NBAS: variants seen among roughly 807,000 people sequenced by gnomAD.
NBAS encodes the protein NBAS subunit of NRZ tethering complex, also known as NAG/BC035112 fusion.
A neutral mutation model predicts 302.5 loss-of-function variants in NBAS; 219 were observed. The observed-to-expected ratio is 0.72, with a 90% CI of 0.65 to 0.81. The LOEUF is 0.81. NBAS is among the 30% of genes least tolerant of loss of function. The pLI is 0.00. For missense variants in NBAS, 2,932 were observed against 2,841.6 expected, an observed-to-expected ratio of 1.03 and a Z score of -0.72; for synonymous variants, 1,118 against 1,021.6, an observed-to-expected ratio of 1.09 and a Z score of -1.80.
intron 49 of NBAS, among the ~76,000 whole-genome samples, chr2:15,189,554 C>T (rs1029729454): frequency 5.1e-5 from 7 of 136,544 alleles, no homozygotes; most frequent in Non-Finnish European, 1.1e-4. Context: ...GAAGCCACAG[C>T]TCATGAGACC....
the NBAS span, among the ~76,000 whole-genome samples, chr2:14,876,862 G>A: frequency 6.6e-6 from 1 of 152,218 alleles, no homozygotes; most frequent in Non-Finnish European, 1.5e-5. Context: ...TGTCCAGCCT[G>A]CTTCTGATGA....
the NBAS span, among the ~76,000 whole-genome samples, chr2:14,931,159 A>C: frequency 6.6e-6 from 1 of 152,380 alleles, no homozygotes; most frequent in East Asian, 1.9e-4. Context: ...AAACCCCAGG[A>C]AACAAGGGAC....
At chr2:15,110,671 G>A in the NBAS span, among the ~76,000 whole-genome samples, 1 of 151,936 alleles carries the variant, frequency 6.6e-6, no homozygotes, top group Non-Finnish European at 1.5e-5. Flanking sequence ...TACTTCTCTG[G>A]GGAATGTGAT....
chr2:14,806,138 G>T, the NBAS span, among the ~76,000 whole-genome samples: 1 of 152,102 alleles, frequency 6.6e-6, no homozygotes, highest in Admixed American at 6.6e-5. Context: ...AATTCAGTAG[G>T]TCTGAGATGC....
the NBAS span, among the ~76,000 whole-genome samples, chr2:14,786,415 G>A: frequency 1.3e-5 from 2 of 152,056 alleles, no homozygotes; most frequent in Non-Finnish European, 2.9e-5. Flanking sequence ...TGTGATGTTA[G>A]GGTGTCAATT....
chr2:15,284,502 C>T (rs7566626), intron 42 of NBAS, among the ~76,000 whole-genome samples: 6,873 of 152,148 alleles, frequency 0.045, 261 homozygotes, highest in African/African-American at 0.1. Flanking sequence ...TACACTTATT[C>T]GCAAATGTGC....
chr2:14,792,462 G>A, the NBAS span, among the ~76,000 whole-genome samples: 2 of 152,092 alleles, frequency 1.3e-5, no homozygotes, highest in Non-Finnish European at 2.9e-5. Context: ...TTTCATTGCT[G>A]ACAGTATTGG....
the NBAS span, among the ~76,000 whole-genome samples, chr2:15,063,160 T>C: frequency 2.8e-4 from 43 of 152,238 alleles, no homozygotes; most frequent in Non-Finnish European, 4.6e-4. Context: ...ATTTTCATCC[T>C]TCAGTTCAGT....
chr2:15,375,928 G>C (rs1441170965), intron 30 of NBAS, among the ~76,000 whole-genome samples: 2 of 151,118 alleles, frequency 1.3e-5, no homozygotes, highest in Non-Finnish European at 2.9e-5. Context: ...AAAAAAAACA[G>C]GGCATAGAAA....
the NBAS span, among the ~76,000 whole-genome samples, chr2:15,002,679 G>A: frequency 6.6e-6 from 1 of 152,216 alleles, no homozygotes; most frequent in Non-Finnish European, 1.5e-5. Flanking sequence ...AGCCCTGCCC[G>A]GCGGGAAGGC....
rs78851456 is a variant in NBAS, at chr2:15,523,930, T to C, written c.746+10613A>G. The stretch of plus-strand genomic sequence containing the variant: ...TTCTGTCTCTAAATAAATAAATAAA[T>C]AAACAAACAAACAAACTGTATTTCT... On this transcript the variant is annotated intron_variant, in intron 9 of 51. Transcript: ENST00000281513. 7.5e-3 allele frequency among the ~76,000 whole-genome samples: 1,139 copies of C among 151,962 alleles called. 19 individuals are homozygous for C. The highest frequency in any genetic ancestry group is 0.056 in the East Asian group (289 of 5,152).
chr2:15,033,027 C>T, the NBAS span, among the ~76,000 whole-genome samples: 1 of 152,216 alleles, frequency 6.6e-6, no homozygotes, highest in African/African-American at 2.4e-5. Flanking sequence ...AACTTGACTA[C>T]TATCCAGCAG....
At chr2:15,127,268 A>G in the NBAS span, among the ~76,000 whole-genome samples, 1 of 152,330 alleles carries the variant, frequency 6.6e-6, no homozygotes, top group Admixed American at 6.5e-5. Context: ...GCTGCTTAAA[A>G]TCTCACTGAC....
At chr2:15,445,517 A>C in intron 21 of NBAS, among the ~76,000 whole-genome samples, 1 of 69,736 alleles carries the variant, frequency 1.4e-5, no homozygotes. Context: ...GGGTGGGGGG[A>C]GGGGGGAGGG....
At chr2:15,273,188 T>C (rs956647915) in intron 44 of NBAS, among the ~76,000 whole-genome samples, 1 of 152,212 alleles carries the variant, frequency 6.6e-6, no homozygotes, top group South Asian at 2.1e-4. Context: ...CTCACCATCC[T>C]GGCTGACCTG....
At chr2:15,149,664 T>G in the NBAS span, among the ~76,000 whole-genome samples, 3 of 152,036 alleles carry the variant, frequency 2.0e-5, no homozygotes, top group Non-Finnish European at 2.9e-5. Flanking sequence ...TTTTTGTATT[T>G]TTGGTAGAAA....
intron 40 of NBAS, among the ~76,000 whole-genome samples, chr2:15,300,511 A>G (rs932151056): frequency 1.3e-5 from 2 of 152,196 alleles, no homozygotes; most frequent in African/African-American, 4.8e-5. Flanking sequence ...TCCAACTATC[A>G]TGTCTACCAG....
chr2:15,561,062 C>T, intron 1 of NBAS, 126 bp downstream of exon 1: 1 of 846,954 alleles, frequency 1.2e-6, no homozygotes, highest in Non-Finnish European at 2.0e-6. Context: ...AAGGCGACCG[C>T]ACAAGCCAAC....
intron 42 of NBAS, among the ~76,000 whole-genome samples, chr2:15,286,716 T>C (rs1463237397): frequency 6.6e-6 from 1 of 152,254 alleles, no homozygotes; most frequent in Non-Finnish European, 1.5e-5. Context: ...AATTACACAG[T>C]ACTTATCAGT....
Sources: allele counts gnomAD v4.1 joint callset (sites outside exome capture counted in the v4.1 genomes callset), GRCh38; gene constraint gnomAD v4.1.1; transcripts MANE v1.5; gene names NCBI Gene and HGNC (gene_info 2026-07-23, HGNC 2026-07-21).